ANK3: variants seen among roughly 807,000 people sequenced by gnomAD.
ANK3 encodes ankyrin-3.
In ANK3, 57 loss-of-function variants were observed where a neutral mutation model predicts 370.9. The observed-to-expected ratio is 0.15, with a 90% CI of 0.12 to 0.19. ANK3 has a LOEUF of 0.19. Among genes scored for constraint, ANK3 ranks in the 10% least tolerant of loss-of-function variants. ANK3 has a pLI of 1.00. For missense variants in ANK3, 4,439 were observed against 5,302.1 expected (o/e 0.84, Z 5.06); for synonymous variants, 1,929 against 1,946.3 (o/e 0.99, Z 0.23).
chr10:60,223,395 T>G (rs140536805), intron 8 of ANK3, among the ~76,000 whole-genome samples: 293 of 152,352 alleles, frequency 1.9e-3, no homozygotes, highest in African/African-American at 6.7e-3. Flanking sequence ...AGTAGCCCCC[T>G]TTGGATAAAG....
At chr10:60,723,006 C>T (rs1448845720) in intron 1 of ANK3, among the ~76,000 whole-genome samples, 1 of 152,142 alleles carries the variant, frequency 6.6e-6, no homozygotes, top group Admixed American at 6.5e-5. Context: ...AACACAAAAA[C>T]TAACCCACTA....
intron 2 of ANK3, among the ~76,000 whole-genome samples, chr10:60,592,038 T>C (rs1402385361): frequency 6.6e-6 from 1 of 152,178 alleles, no homozygotes; most frequent in Non-Finnish European, 1.5e-5. Flanking sequence ...CTATAGTCAA[T>C]AATAATTTAA....
chr10:60,337,713 G>A (rs1396607997), intron 1 of ANK3, among the ~76,000 whole-genome samples: 1 of 152,104 alleles, frequency 6.6e-6, no homozygotes, highest in East Asian at 1.9e-4. Flanking sequence ...CCTAATATAT[G>A]TTAGGTAGGT....
intron 4 of ANK3, among the ~76,000 whole-genome samples, chr10:60,276,170 T>C (rs1592909048): frequency 6.6e-6 from 1 of 152,178 alleles, no homozygotes; most frequent in Non-Finnish European, 1.5e-5. Context: ...TATTGCCCAA[T>C]GTCATTTTTA....
At chr10:60,130,658 TAA>T (rs1203621820) in intron 25 of ANK3, among the ~76,000 whole-genome samples, 5 of 152,216 alleles carry the variant, frequency 3.3e-5, no homozygotes, top group Non-Finnish European at 7.3e-5. Context: ...CATTTAATCC[TAA>T]AGTGTTTAAA....
At chr10:60,712,023 A>T (rs1300250500) in intron 1 of ANK3, among the ~76,000 whole-genome samples, 1 of 152,194 alleles carries the variant, frequency 6.6e-6, no homozygotes, top group African/African-American at 2.4e-5. Context: ...TCTGGACAAA[A>T]ATTGAGGGAA....
chr10:60,178,096 G>C (rs879692235), intron 18 of ANK3, among the ~76,000 whole-genome samples: 3 of 152,138 alleles, frequency 2.0e-5, no homozygotes, highest in East Asian at 3.9e-4. Flanking sequence ...AAAACCTTCA[G>C]TGGCTTCTCA....
Position 60,208,218 on chromosome 10 carries a change from A to G in ANK3, c.1012T>C (p.Leu338=). ...LSKTKNGLSP[L]HMATQGDHLN... ...TGATCCCCTTGTGTGGCCATGTGCA[A>G]TGGAGATAATCCATTCTGGAACACA... Residue 338 remains leucine (L), a synonymous_variant, in exon 10 of 44, where the codon TTG becomes CTG. Coordinates refer to ENST00000280772, the MANE Select transcript of ANK3 (RefSeq NM_020987.5). The G allele has an allele frequency of 1.2e-6, 2 of 1,614,098 alleles. No homozygotes were observed. The highest frequency in any genetic ancestry group is 1.7e-6 in the Non-Finnish European group (2 of 1,179,946).
chr10:60,523,640 G>T (rs1024315557), intron 2 of ANK3, among the ~76,000 whole-genome samples: 1 of 151,764 alleles, frequency 6.6e-6, no homozygotes, highest in African/African-American at 2.4e-5. Context: ...CCAGTCTATT[G>T]TTGTTGGACA....
At chr10:60,617,693 G>C (rs891158765) in intron 1 of ANK3, among the ~76,000 whole-genome samples, 1 of 152,130 alleles carries the variant, frequency 6.6e-6, no homozygotes, top group African/African-American at 2.4e-5. Context: ...AAACTTTATA[G>C]AGCACACAAC....
intron 31 of ANK3, 35 bp downstream of exon 31, chr10:60,085,122 T>C: frequency 1.3e-6 from 2 of 1,544,368 alleles, no homozygotes; most frequent in Non-Finnish European, 1.8e-6. Context: ...AAAAACTAAT[T>C]CCTTACTGCT....
chr10:60,464,507 TAACTAA>T (rs66904691), intron 2 of ANK3, among the ~76,000 whole-genome samples: 56,495 of 151,582 alleles, frequency 0.37, 11,081 homozygotes, highest in Non-Finnish European at 0.45. Flanking sequence ...GAACACTCTC[TAACTAA>T]AACATCTTAA....
chr10:60,054,458 G>C (rs2078724433), intron 42 of ANK3, among the ~76,000 whole-genome samples: 1 of 151,938 alleles, frequency 6.6e-6, no homozygotes, highest in Admixed American at 6.6e-5. Flanking sequence ...ATTATTTTAG[G>C]ATATCATTTA....
In ANK3 at chr10:60,071,781, A is replaced by C. The variant is rs1201926098; in HGVS notation, c.9100T>G (p.Leu3034Val). Residue 3034 changes from leucine to valine, a missense_variant, in exon 37 of 44, where the codon TTA becomes GTA. Transcript: ENST00000280772. Reference sequence around the variant, plus strand: ...TCGGTTTCCTCGAGAGGTGGGCATAAACCTACATAACTCTGGTGTTTGGAA... The same window carrying C: ...TCGGTTTCCTCGAGAGGTGGGCATACACCTACATAACTCTGGTGTTTGGAA... ...KVSKHQSYVG[L>V]CPPLEETETS... is the part of the protein sequence containing the mutation. 6.2e-7 allele frequency: 1 copy of C among 1,605,060 alleles called. No homozygotes were observed. Among genetic ancestry groups the C allele is most frequent in the Non-Finnish European group, 8.5e-7 (1 of 1,176,180 alleles).
chr10:60,172,848 C>T (rs1257642763), intron 20 of ANK3, 52 bp downstream of exon 20: 1 of 1,196,850 alleles, frequency 8.4e-7, no homozygotes, highest in Non-Finnish European at 1.2e-6. Context: ...ACACCAGAGT[C>T]CAGGCCCATC....
At chr10:60,416,612 A>G (rs576335669) in intron 2 of ANK3, among the ~76,000 whole-genome samples, 27 of 152,366 alleles carry the variant, frequency 1.8e-4, no homozygotes, top group African/African-American at 6.3e-4. Context: ...GAAAAGTTCT[A>G]CATCTAAGCT....
chr10:60,717,273 A>AGGG lies in ANK3; in HGVS notation c.57+15987_57+15989dup, dbSNP rs34491082. ...AGAAGTAGTGGTACTCAAAAAATAA[A>AGGG]GGGTGCATAAAACTGTCAAAATATC... is the stretch of plus-strand genomic sequence containing the variant. On this transcript the variant is annotated intron_variant, in intron 1 of 43. Transcript: ENST00000373827. Among the ~76,000 whole-genome samples, 8 of 151,750 alleles carry AGGG rather than the reference A, an allele frequency of 5.3e-5. No individual in the cohort carries two copies. The South Asian group carries it at 1.2e-3, about 24-fold the overall frequency.
chr10:60,714,852 G>C (rs2079759698), intron 1 of ANK3, among the ~76,000 whole-genome samples: 1 of 152,064 alleles, frequency 6.6e-6, no homozygotes, highest in Non-Finnish European at 1.5e-5. Flanking sequence ...AAATAAGTGG[G>C]GCACAGAAGA....
intron 2 of ANK3, 73 bp from the exon 3 acceptor site, chr10:60,279,221 C>G: frequency 7.7e-7 from 1 of 1,299,338 alleles, no homozygotes; most frequent in Non-Finnish European, 1.1e-6. Flanking sequence ...CCAAGAACTC[C>G]TGAGATATTA....
Sources: gnomAD v4.1 joint callset for allele counts (sites outside exome capture counted in the v4.1 genomes callset) on GRCh38, gnomAD v4.1.1 for gene constraint, MANE v1.5 for transcripts, NCBI Gene and HGNC (gene_info 2026-07-23, HGNC 2026-07-21) for gene names.